The following CDH26 variants were observed in gnomAD, a reference collection of about 807,000 sequenced individuals.
CDH26 encodes the protein cadherin-like protein 26.
In CDH26, 83 loss-of-function variants were observed where a neutral mutation model predicts 90.3. That is an observed-to-expected ratio of 0.92 (90% CI 0.77 to 1.10). CDH26 has a LOEUF of 1.10. Ranked by LOEUF, CDH26 falls within the 50% of genes least tolerant of loss-of-function variation. CDH26 has a pLI of 0.00. For synonymous variants in CDH26, 397 were observed against 396.3 expected, an observed-to-expected ratio of 1.00 and a Z score of -0.02; for missense variants, 1,013 against 1,037.6, an observed-to-expected ratio of 0.98 and a Z score of 0.33.
At chr20:60,033,899 G>T in exon 9 of CDH26, 1 of 447,830 alleles carries the variant, frequency 2.2e-6, no homozygotes, top group South Asian at 4.0e-5. Context: ...CTCACCACTG[G>T]CCTGGTCACT....
downstream of CDH26, among the ~76,000 whole-genome samples, chr20:60,017,029 A>G (rs1165812058): frequency 6.6e-6 from 1 of 151,690 alleles, no homozygotes; most frequent in East Asian, 1.9e-4. Context: ...ATTTTTGTTG[A>G]GGGTTTTAAC....
intron 7 of CDH26, among the ~76,000 whole-genome samples, chr20:60,024,855 T>A (rs890928146): frequency 2.0e-5 from 3 of 152,232 alleles, no homozygotes; most frequent in South Asian, 2.1e-4. Context: ...TTCCTTGACC[T>A]AGCTGTGACC....
intron 10 of CDH26, among the ~76,000 whole-genome samples, chr20:59,993,954 C>T (rs192726953): frequency 3.5e-4 from 54 of 152,270 alleles, no homozygotes; most frequent in Non-Finnish European, 4.3e-4. Flanking sequence ...CCACCCCACC[C>T]ATCCTTGATG....
intron 5 of CDH26, among the ~76,000 whole-genome samples, chr20:59,983,959 T>A (rs1343207029): frequency 6.6e-6 from 1 of 152,176 alleles, no homozygotes; most frequent in East Asian, 1.9e-4. Context: ...AACATTTATG[T>A]TTTTTTGCCA....
In CDH26 at chr20:59,985,004, G is replaced by T. The variant is rs565753502; in HGVS notation, c.712G>T (p.Ala238Ser). The change falls in exon 7 of 18, where the codon GCT becomes TCT. Residue 238 changes from alanine (A) to serine (S), a missense_variant. Transcript: ENST00000348616. Reference protein sequence around the residue: ...RLSGCLDYETAPQFTLLIRAR... With the variant: ...RLSGCLDYETSPQFTLLIRAR... Reference sequence around the variant, plus strand: ...CTTTCCTTTTCCTCCCACATAGACCGCTCCTCAGTTTACACTGCTAATCAG... The same window carrying T: ...CTTTCCTTTTCCTCCCACATAGACCTCTCCTCAGTTTACACTGCTAATCAG... 1.2e-6 allele frequency: 2 copies of T among 1,613,736 alleles called. No individual in the cohort carries two copies. Among genetic ancestry groups the T allele is most frequent in the Non-Finnish European group, 8.5e-7 (1 of 1,179,816 alleles).
chr20:60,000,674 A>G (rs1015065932), intron 14 of CDH26, among the ~76,000 whole-genome samples: 19 of 152,136 alleles, frequency 1.2e-4, no homozygotes, highest in African/African-American at 4.3e-4. Flanking sequence ...TCCCTATTTT[A>G]CAGGGGAGGG....
At chr20:60,017,959 G>T (rs2061919333), downstream of CDH26, among the ~76,000 whole-genome samples, 1 of 151,910 alleles carries the variant, frequency 6.6e-6, no homozygotes, top group South Asian at 2.1e-4. Context: ...TTCTCTTGTG[G>T]TCAGATAAGA....
intron 7 of CDH26, 86 bp from the exon 8 acceptor site, chr20:59,987,367 C>G: frequency 9.2e-7 from 1 of 1,091,144 alleles, no homozygotes; most frequent in Non-Finnish European, 1.3e-6. Context: ...TGCTCTCTCT[C>G]TGCTTCTCTC....
At chr20:60,025,848 A>G (rs919046388) in intron 7 of CDH26, among the ~76,000 whole-genome samples, 1 of 152,230 alleles carries the variant, frequency 6.6e-6, no homozygotes, top group Non-Finnish European at 1.5e-5. Context: ...GTCCTTTATC[A>G]AAACACCCTT....
intron 1 of CDH26, among the ~76,000 whole-genome samples, chr20:59,967,827 T>TTCTTTC (rs1288364632): frequency 1.5e-5 from 1 of 66,736 alleles, no homozygotes; most frequent in East Asian, 4.1e-4. Flanking sequence ...CTTTCTTTCT[T>TTCTTTC]TCTTTCTTTC....
At chr20:60,018,591 A>G (rs931948055), downstream of CDH26, among the ~76,000 whole-genome samples, 2 of 150,692 alleles carry the variant, frequency 1.3e-5, no homozygotes, top group African/African-American at 4.9e-5. Context: ...ATATAATCTG[A>G]TTCAAGGTTA....
intron 17 of CDH26, among the ~76,000 whole-genome samples, chr20:60,011,043 C>A (rs554087027): frequency 1.8e-4 from 27 of 152,182 alleles, no homozygotes; most frequent in Non-Finnish European, 3.5e-4. Flanking sequence ...TGCCGGGTGA[C>A]CAGAAGAACA....
chr20:59,979,670 A>G lies in CDH26; in HGVS notation c.394-3253A>G, dbSNP rs973643869. 1.3e-4 allele frequency among the ~76,000 whole-genome samples: 15 copies of G among 118,140 alleles called. No individual in the cohort carries two copies. In the Admixed American group the frequency reaches 1.8e-3, roughly 14 times the overall value. The allele number at this position is 118,140 out of a possible 152,430, so 77.5% of individuals were successfully genotyped here. On this transcript the variant is annotated intron_variant, in intron 4 of 17. Transcript: ENST00000348616. ...AGATAGAGTTTCACTGTTGTCGCCC[A>G]GGCTGGAGAGCAATGGTGCGATCTC...
intron 13 of CDH26, among the ~76,000 whole-genome samples, chr20:59,998,134 C>T (rs1245242232): frequency 1.3e-5 from 2 of 152,274 alleles, no homozygotes. Flanking sequence ...TCTGGACAAA[C>T]AGCAGTCTTT....
In CDH26 at chr20:59,988,851, C is replaced by T. The variant is rs1289842661; in HGVS notation, c.1024-53C>T. The T allele has an allele frequency of 5.0e-6, 8 of 1,594,198 alleles. No individual in the cohort carries two copies. In the South Asian group the frequency reaches 5.6e-5, roughly 11 times the overall value. ...CAATGATGACTCGGCGCTGGGCTTC[C>T]TCTGGCCAGAGGAGCAGCAGGTGCT... On this transcript the variant is annotated intron_variant, in intron 8 of 17. Transcript: ENST00000348616.
In CDH26 at chr20:60,002,883, G is replaced by A; in HGVS notation, c.2220+17G>A. 1 of 1,520,554 alleles carries A rather than the reference G, an allele frequency of 6.6e-7. No individual in the cohort carries two copies. The highest frequency in any genetic ancestry group is 8.9e-7 in the Non-Finnish European group (1 of 1,122,558). The allele number at this position is 1,520,554 out of a possible 1,614,324, so 94.2% of individuals were successfully genotyped here. A position where few individuals can be genotyped will look rare whatever the true frequency, so the allele number is the denominator to read the frequency against. On this transcript the variant is annotated intron_variant, in intron 16 of 17. Coordinates refer to ENST00000348616, the MANE Select transcript of CDH26 (RefSeq NM_177980.4). ...TCTACTCCTGTAAGTATAGATGTAG[G>A]TGTTACCGTGAACAAATTTACCTTA...
intron 11 of CDH26, among the ~76,000 whole-genome samples, chr20:59,994,848 AG>A (rs1248392886): frequency 9.2e-5 from 14 of 152,078 alleles, no homozygotes; most frequent in Admixed American, 5.9e-4. Context: ...GGGACTTGGG[AG>A]GGCGGATGTG....
Position 59,987,397 on chromosome 20 carries a change from CCTTTT to C in CDH26, c.838-54_838-50del, listed in dbSNP as rs746913318. On this transcript the variant is annotated intron_variant, in intron 7 of 17. Coordinates refer to ENST00000348616, the MANE Select transcript of CDH26 (RefSeq NM_177980.4). ...TCTCTCCCTCCTTCCTCTCTGCTTT[CCTTTT>C]CAATTGTGTTTTTGTTTCCATGACA... 2.8e-6 allele frequency: 4 copies of C among 1,435,342 alleles called. No individual in the cohort carries two copies. The South Asian group carries it at 5.2e-5, about 19-fold the overall frequency. The allele number at this position is 1,435,342 out of a possible 1,614,324, so 88.9% of individuals were successfully genotyped here.
chr20:59,984,185 T>G (rs560179105), intron 5 of CDH26, among the ~76,000 whole-genome samples: 1 of 152,256 alleles, frequency 6.6e-6, no homozygotes, highest in East Asian at 1.9e-4. Context: ...CTTGAACATT[T>G]TGCTATGTTT....
Sources: gnomAD v4.1 joint callset for allele counts (sites outside exome capture counted in the v4.1 genomes callset) on GRCh38, gnomAD v4.1.1 for gene constraint, MANE v1.5 for transcripts, NCBI Gene and HGNC (gene_info 2026-07-23, HGNC 2026-07-21) for gene names.